Variants in IGSF9B observed in about 807,000 individuals in gnomAD.
IGSF9B encodes the protein protein turtle homolog B.
In IGSF9B, 48 loss-of-function variants were observed where a neutral mutation model predicts 143.7. The ratio of observed to expected loss-of-function variants is 0.33; its 90% CI spans 0.26 to 0.42. IGSF9B has a LOEUF of 0.42. IGSF9B is among the 20% of genes least tolerant of loss of function. The pLI, the probability that IGSF9B is intolerant of heterozygous loss-of-function variation, is 1.00. For synonymous variants in IGSF9B, 903 were observed against 833.1 expected (o/e 1.08, Z -1.44); for missense variants, 1,706 against 1,980.0 (o/e 0.86, Z 2.63).
rs1939732679 is a variant in IGSF9B, at chr11:133,931,639, A to G, written c.1251+16T>C. 2 of 1,608,246 alleles carry G rather than the reference A, an allele frequency of 1.2e-6. No homozygotes were observed. The highest frequency in any genetic ancestry group is 1.3e-5 in the African/African-American group (1 of 74,750). ...GTGCCCAGCTCATGGAGGCCGTCAC[A>G]GCCCTGGGACCTCACCTTCAGGACA... On this transcript the variant is annotated intron_variant, in intron 9 of 19. Coordinates refer to ENST00000533871, the MANE Select transcript of IGSF9B (RefSeq NM_001277285.4). This position sits in a 1 kb window ranked among gnomAD's most constrained non-coding sequence, Gnocchi z 7.7.
intron 5 of IGSF9B, among the ~76,000 whole-genome samples, chr11:133,936,864 C>A (rs1939833204): frequency 6.6e-6 from 1 of 152,234 alleles, no homozygotes; most frequent in South Asian, 2.1e-4. Context: ...CCCCATCCTG[C>A]ACAGTTCCTG....
intron 6 of IGSF9B, 56 bp from the exon 7 acceptor site, chr11:133,935,818 G>C: frequency 6.3e-7 from 1 of 1,582,096 alleles, no homozygotes; most frequent in East Asian, 2.2e-5. Flanking sequence ...TCTTGCCGCA[G>C]ACACACAGTC....
intron 2 of IGSF9B, 59 bp from the exon 3 acceptor site, chr11:133,944,425 C>A: frequency 6.4e-7 from 1 of 1,554,066 alleles, no homozygotes; most frequent in South Asian, 1.1e-5. Context: ...AGCAGCTCCC[C>A]GCCCCCTGCC....
Position 133,901,886 on chromosome 11 carries a change from ACAC to A in IGSF9B, c.*7180_*7182del, listed in dbSNP as rs576627640. Among the ~76,000 whole-genome samples, 1,463 of 145,582 alleles carry A rather than the reference ACAC, an allele frequency of 0.01. 36 individuals are homozygous for A. The highest frequency in any genetic ancestry group is 0.034 in the African/African-American group (1,329 of 38,832). ...CGCACCACACACGCACCACACACAC[ACAC>A]AACACACACACAACACACCACACAC... On this transcript the variant is annotated 3_prime_UTR_variant, in exon 20 of 20. Coordinates refer to ENST00000533871, the MANE Select transcript of IGSF9B (RefSeq NM_001277285.4).
intron 3 of IGSF9B, among the ~76,000 whole-genome samples, chr11:133,941,656 T>C (rs1223885541): frequency 6.6e-6 from 1 of 152,192 alleles, no homozygotes; most frequent in Non-Finnish European, 1.5e-5. Flanking sequence ...GCCTTGATTA[T>C]GGAAAAGCGT....
rs1198936974 is a variant in IGSF9B, at chr11:133,909,858, GA to G, written c.4106-582del. ...AAACTGTCAAGACTTTAAAAACACA[GA>G]AATAAAATTTGCAGTTACTGAAAAT... On this transcript the variant is annotated intron_variant, in intron 19 of 19. Coordinates refer to ENST00000533871, the MANE Select transcript of IGSF9B (RefSeq NM_001277285.4). The surrounding 1 kb of genome is among the most constrained non-coding windows in gnomAD (Gnocchi z 4.2). Among the ~76,000 whole-genome samples the G allele has an allele frequency of 6.6e-6, 1 of 152,176 alleles. No individual in the cohort carries two copies. Among genetic ancestry groups the G allele is most frequent in the Non-Finnish European group, 1.5e-5 (1 of 68,024 alleles).
intron 17 of IGSF9B, 40 bp downstream of exon 17, chr11:133,922,137 C>T (rs752488772): frequency 7.3e-5 from 116 of 1,588,680 alleles, no homozygotes; most frequent in Non-Finnish European, 9.3e-5. Flanking sequence ...GCGCCCCCTG[C>T]CATGAACAGC....
Position 133,920,263 on chromosome 11 carries a change from C to A in IGSF9B, c.3462G>T (p.Glu1154Asp), listed in dbSNP as rs757348187. ...TGCTGGGGCCGCCGTGCGCCCCCGG[C>A]TCAGCCGGCTCGGGGTAAGGCAGCA... ...IPVLPYPEPA[E>D]PGAHGGPSTF... Residue 1154 changes from glutamate to aspartate, a missense_variant, in exon 18 of 20, where the codon GAG (glutamate) becomes GAT (aspartate). Physicochemically the swap from Glu to Asp is conservative, Grantham distance 45. Around this residue, in one of 7 missense-constraint regions of IGSF9B, gnomAD observed 880 missense variants for 762.9 expected, o/e 1.15. Transcript: ENST00000533871. The A allele has an allele frequency of 6.6e-7, 1 of 1,519,544 alleles. No individual in the cohort carries two copies. The highest frequency in any genetic ancestry group is 1.3e-5 in the South Asian group (1 of 76,494). 94.1% of individuals were successfully genotyped at this position (1,519,544 alleles called of 1,614,324 possible). A position where few individuals can be genotyped will look rare whatever the true frequency, so the allele number is the denominator to read the frequency against.
Position 133,931,791 on chromosome 11 carries a change from A to C in IGSF9B, c.1115T>G (p.Leu372Arg). 1 of 1,611,688 alleles carries C rather than the reference A, an allele frequency of 6.2e-7. No individual in the cohort carries two copies. Among genetic ancestry groups the C allele is most frequent in the Non-Finnish European group, 8.5e-7 (1 of 1,179,332 alleles). Residue 372 changes from leucine to arginine, a missense_variant, in exon 9 of 20, where the codon CTC (leucine) becomes CGC (arginine). Transcript: ENST00000533871. This position sits in a 1 kb window ranked among gnomAD's most constrained non-coding sequence, Gnocchi z 7.7. ...DGRPLQVEKNLGWTLMEDGSI... is the reference protein window; with the variant it reads ...DGRPLQVEKNRGWTLMEDGSI... ...GCCATCCTCCATCAGGGTCCAACCG[A>C]GGTTCTGCCAGACACAGACGATAGG...
At position 133,908,004 on chromosome 11, in the gene IGSF9B, G is replaced by A. The variant is rs184561998; in HGVS notation, c.*1065C>T. On this transcript the variant is annotated 3_prime_UTR_variant, in exon 20 of 20. Coordinates refer to ENST00000533871, the MANE Select transcript of IGSF9B (RefSeq NM_001277285.4). Reference sequence around the variant, plus strand: ...AAAGCAAAGGAGGATCCAATCAGCCGCTGTGGAACAGCACTGCACAGAGTG... The same window carrying A: ...AAAGCAAAGGAGGATCCAATCAGCCACTGTGGAACAGCACTGCACAGAGTG... 1.5e-3 allele frequency among the ~76,000 whole-genome samples: 233 copies of A among 152,368 alleles called. 1 individual carries two copies. The highest frequency in any genetic ancestry group is 5.5e-3 in the African/African-American group (227 of 41,590).
At position 133,919,829 on chromosome 11, in the gene IGSF9B, T is replaced by G. The variant is rs368872341; in HGVS notation, c.3896A>C (p.Asp1299Ala). ...AGGGGAAGGCGTCTGTCCAAACACGTCCAAGCTGTCCCCAGGCCCAGCAGG... is the reference window on the plus strand; with the variant it reads ...AGGGGAAGGCGTCTGTCCAAACACGGCCAAGCTGTCCCCAGGCCCAGCAGG... The part of the protein sequence containing the change: ...PAPAGPGDSL[D>A]VFGQTPSPRR... Residue 1299 changes from aspartate (D) to alanine (A), a missense_variant, in exon 18 of 20, where the codon GAC becomes GCC. Transcript: ENST00000533871. The G allele has an allele frequency of 4.5e-6, 7 of 1,568,404 alleles. No individual in the cohort carries two copies. The highest frequency in any genetic ancestry group is 6.0e-6 in the Non-Finnish European group (7 of 1,158,446).
chr11:133,925,120 C>G (rs759197365), intron 14 of IGSF9B, among the ~76,000 whole-genome samples: 2 of 152,138 alleles, frequency 1.3e-5, no homozygotes, highest in African/African-American at 2.4e-5. Context: ...CGTGAGGTCA[C>G]CGAAAGCGTT....
rs568033189 is a variant in IGSF9B at position 133,909,612 on chromosome 11, G to A, written c.4106-335C>T. On this transcript the variant is annotated intron_variant, in intron 19 of 19. Transcript: ENST00000533871. The surrounding 1 kb of genome is among the most constrained non-coding windows in gnomAD (Gnocchi z 4.2). ...ACTAGGCATCATTCTAGGGACTGGGGATCAGGAAGGAACAGGCTGGGACTC... is the reference window on the plus strand; with the variant it reads ...ACTAGGCATCATTCTAGGGACTGGGAATCAGGAAGGAACAGGCTGGGACTC... Among the ~76,000 whole-genome samples, 9 of 152,278 alleles carry A rather than the reference G, an allele frequency of 5.9e-5. No individual in the cohort carries two copies. In the East Asian group the frequency reaches 1.7e-3, roughly 29 times the overall value.
chr11:133,935,944 C>G, intron 6 of IGSF9B, 109 bp downstream of exon 6: 2 of 1,441,814 alleles, frequency 1.4e-6, no homozygotes, highest in African/African-American at 1.4e-5. Context: ...GCCCACCTCC[C>G]CCAGCTCCAA....
In IGSF9B at chr11:133,909,184, C is replaced by T. The variant is rs557557532; in HGVS notation, c.4199G>A (p.Arg1400His). Residue 1400 changes from arginine (R) to histidine (H), a missense_variant, in exon 20 of 20, where the codon CGT becomes CAT. Arg to His is a conservative substitution (Grantham distance 29). Transcript: ENST00000533871. The surrounding 1 kb of genome is among the most constrained non-coding windows in gnomAD (Gnocchi z 4.2). ...TGAGAGCCGGGCAAAGGGGTCAGGA[C>T]GAGAATGTCTCTTCTTCTTTCGGAG... ...VCLRKKKRHS[R>H]PDPFARLSDL... The T allele has an allele frequency of 9.8e-6, 15 of 1,535,858 alleles. No individual in the cohort carries two copies. The South Asian group carries it at 1.1e-4, about 11-fold the overall frequency.
In IGSF9B at chr11:133,898,801, T is replaced by A. The variant is rs1326249212; in HGVS notation, c.*10268A>T. 1 of 152,210 alleles carries A rather than the reference T, an allele frequency of 6.6e-6. No individual in the cohort carries two copies. Among genetic ancestry groups the A allele is most frequent in the Non-Finnish European group, 1.5e-5 (1 of 68,068 alleles). 9.4% of individuals were successfully genotyped at this position (152,210 alleles called of 1,614,324 possible). ...GTCCCTGGACTCTGAGACTCCACCC[T>A]CCAATGCCACAGGCAACCCCCTGTG... On this transcript the variant is annotated 3_prime_UTR_variant, in exon 20 of 20. Coordinates refer to ENST00000533871, the MANE Select transcript of IGSF9B (RefSeq NM_001277285.4).
chr11:133,916,885 C>G (rs1193262981), intron 18 of IGSF9B, among the ~76,000 whole-genome samples: 1 of 152,048 alleles, frequency 6.6e-6, no homozygotes, highest in Non-Finnish European at 1.5e-5. Context: ...GCAGGAGGGC[C>G]CCAGAGCAGG....
rs534911776 is a variant in IGSF9B at position 133,952,744 on chromosome 11, CAT to C, written c.64+3945_64+3946del. Among the ~76,000 whole-genome samples, 111 of 152,186 alleles carry C rather than the reference CAT, an allele frequency of 7.3e-4. 1 individual carries two copies. The highest frequency in any genetic ancestry group is 4.1e-3 in the South Asian group (20 of 4,824). On this transcript the variant is annotated intron_variant, in intron 1 of 19. Coordinates refer to ENST00000533871, the MANE Select transcript of IGSF9B (RefSeq NM_001277285.4). ...ATATGCACACATGCAGGGGCACACA[CAT>C]ATGTACACATATAGGAACATGTGTG... is the stretch of plus-strand genomic sequence containing the variant.
At chr11:133,938,829 T>A (rs1027302554) in intron 3 of IGSF9B, among the ~76,000 whole-genome samples, 3 of 152,218 alleles carry the variant, frequency 2.0e-5, no homozygotes, top group African/African-American at 7.2e-5. Flanking sequence ...AGCCTGCCAC[T>A]TCTGGTAGGC....
Sources: gnomAD v4.1 joint callset for allele counts (sites outside exome capture counted in the v4.1 genomes callset) on GRCh38, gnomAD v4.1.1 for gene constraint, gnomAD v4.1.1 regional missense constraint, Gnocchi (gnomAD v3.1) non-coding constraint, MANE v1.5 for transcripts, NCBI Gene and HGNC (gene_info 2026-07-23, HGNC 2026-07-21) for gene names.